RBM26: variants seen among roughly 807,000 people sequenced by gnomAD.
The protein encoded by RBM26 is RNA binding motif protein 26, also known as RNA-binding protein 26.
RBM26 carries 30 observed loss-of-function variants against 123.6 expected under a neutral mutation model. The ratio of observed to expected loss-of-function variants is 0.24; its 90% CI spans 0.18 to 0.33. The LOEUF (loss-of-function observed/expected upper bound fraction) is 0.33, where lower values mean the gene tolerates loss of function less well. RBM26 is among the 10% of genes least tolerant of loss of function. The probability of loss-of-function intolerance (pLI) is 1.00; values close to 1 mark genes in which losing one functional copy is unlikely to be tolerated. For missense variants in RBM26, 947 were observed against 1,203.6 expected, an observed-to-expected ratio of 0.79 and a Z score of 3.15; for synonymous variants, 400 against 404.4, an observed-to-expected ratio of 0.99 and a Z score of 0.13.
chr13:79,354,382 G>T (rs1455780980), intron 13 of RBM26, 57 bp downstream of exon 13: 1 of 1,347,514 alleles, frequency 7.4e-7, no homozygotes, highest in Non-Finnish European at 9.8e-7. Context: ...AAATCACCAA[G>T]GGAAACTAAA....
In RBM26 at chr13:79,377,208, A is replaced by T. The variant is rs116118826; in HGVS notation, c.327+171T>A. 884 of 530,938 alleles carry T rather than the reference A, an allele frequency of 1.7e-3. 10 individuals are homozygous for T. The highest frequency in any genetic ancestry group is 0.013 in the African/African-American group (691 of 53,300). The allele number at this position is 530,938 out of a possible 1,614,324, so 32.9% of individuals were successfully genotyped here. On this transcript the variant is annotated intron_variant, in intron 3 of 21. Transcript: ENST00000438737. The stretch of plus-strand genomic sequence containing the variant: ...TTATATCCTTTTGCTGAAATAAGCC[A>T]GGGCCATAAGCACAATTATATGCAG...
intron 5 of RBM26, among the ~76,000 whole-genome samples, chr13:79,369,701 G>A (rs933336493): frequency 6.6e-6 from 1 of 152,146 alleles, no homozygotes; most frequent in African/African-American, 2.4e-5. Context: ...TCAATAACAT[G>A]TACTAGAAGA....
intron 14 of RBM26, among the ~76,000 whole-genome samples, chr13:79,345,405 G>A (rs2072154726): frequency 1.4e-5 from 2 of 147,292 alleles, no homozygotes; most frequent in African/African-American, 5.0e-5. Flanking sequence ...TGGCTATTAG[G>A]TAAAAATGCT....
At chr13:79,400,318 A>G (rs1046925145) in intron 1 of RBM26, among the ~76,000 whole-genome samples, 1 of 152,190 alleles carries the variant, frequency 6.6e-6, no homozygotes, top group Non-Finnish European at 1.5e-5. Flanking sequence ...ATATCAAGGT[A>G]CTGGCAGGTT....
At chr13:79,316,141 G>A (rs948722479), downstream of RBM26, among the ~76,000 whole-genome samples, 5 of 149,944 alleles carry the variant, frequency 3.3e-5, no homozygotes, top group Admixed American at 1.3e-4. Context: ...AGAATTTCAC[G>A]CAGGAAATTT....
chr13:79,339,582 C>T (rs1351226398), intron 18 of RBM26, among the ~76,000 whole-genome samples: 6 of 152,022 alleles, frequency 3.9e-5, no homozygotes, highest in Non-Finnish European at 4.4e-5. Context: ...AATTTTGAAG[C>T]TCAAGGATTA....
intron 13 of RBM26, 145 bp downstream of exon 13, chr13:79,354,294 A>C (rs1426350891): frequency 1.7e-6 from 1 of 605,170 alleles, no homozygotes; most frequent in East Asian, 3.5e-5. Context: ...AAAAAAAAAA[A>C]ACAACCTTAT....
chr13:79,393,818 A>G (rs2078311597), intron 1 of RBM26, among the ~76,000 whole-genome samples: 1 of 152,180 alleles, frequency 6.6e-6, no homozygotes, highest in Non-Finnish European at 1.5e-5. Flanking sequence ...TGATAGGGTT[A>G]AAGCCTAAAA....
downstream of RBM26, among the ~76,000 whole-genome samples, chr13:79,316,053 A>G (rs1421048931): frequency 1.3e-5 from 2 of 151,982 alleles, no homozygotes; most frequent in South Asian, 2.1e-4. Flanking sequence ...ATTCTGCATT[A>G]AATTTCCATT....
intron 3 of RBM26, among the ~76,000 whole-genome samples, chr13:79,375,756 T>C (rs1000448354): frequency 6.6e-6 from 1 of 151,904 alleles, no homozygotes; most frequent in African/African-American, 2.4e-5. Context: ...TATATTCAGA[T>C]AGAGATATAA....
chr13:79,405,544 T>C (rs2763810), intron 1 of RBM26, among the ~76,000 whole-genome samples, 160 bp downstream of exon 1: 76,296 of 150,798 alleles, frequency 0.51, 19,678 homozygotes, highest in Middle Eastern at 0.6. Flanking sequence ...GTATCCTGAA[T>C]CTGGAAGCGA....
In RBM26 at chr13:79,368,956, A is replaced by G. The variant is rs777784800; in HGVS notation, c.669T>C (p.Asp223=). 6 of 1,610,826 alleles carry G rather than the reference A, an allele frequency of 3.7e-6. No individual in the cohort carries two copies. Among genetic ancestry groups the G allele is most frequent in the Non-Finnish European group, 5.1e-6 (6 of 1,177,278 alleles). ...RDLVKPKYDL[D]RTDPLENNYT... ...AATTATTTTCTAATGGATCTGTTCT[A>G]TCCAGGTCATATTTAGGTTTTACCA... The change falls in exon 6 of 22, where the codon GAT becomes GAC. Residue 223 remains aspartate (D), a synonymous_variant. Coordinates refer to ENST00000438737, the MANE Select transcript of RBM26 (RefSeq NM_001366735.2).
chr13:79,399,737 C>T lies in RBM26; in HGVS notation c.71+5967G>A, dbSNP rs77985981. Among the ~76,000 whole-genome samples, 145 of 152,076 alleles carry T rather than the reference C, an allele frequency of 9.5e-4. 2 individuals carry two copies. The East Asian group carries it at 0.025, about 27-fold the overall frequency. ...GAAGCAAACTGCAATCATTTAGATA[C>T]GGAGTGTGAGCCCCCTACTAAGCAA... On this transcript the variant is annotated intron_variant, in intron 1 of 21. Coordinates refer to ENST00000438737, the MANE Select transcript of RBM26 (RefSeq NM_001366735.2).
chr13:79,373,984 G>A (rs1209730468), intron 3 of RBM26, among the ~76,000 whole-genome samples: 2 of 151,704 alleles, frequency 1.3e-5, no homozygotes, highest in African/African-American at 4.8e-5. Flanking sequence ...TTAGAAAAAG[G>A]GACTTAGAGG....
intron 1 of RBM26, among the ~76,000 whole-genome samples, chr13:79,380,172 T>C (rs1040619513): frequency 2.0e-5 from 3 of 152,120 alleles, no homozygotes; most frequent in Non-Finnish European, 4.4e-5. Context: ...ATATTGATTG[T>C]AAAATCAAAA....
intron 7 of RBM26, 101 bp from the exon 8 acceptor site, chr13:79,366,296 T>G: frequency 8.0e-7 from 1 of 1,244,698 alleles, no homozygotes; most frequent in South Asian, 1.5e-5. Flanking sequence ...AACTATAATA[T>G]CTACAAACAC....
chr13:79,361,895 G>A (rs931833634), intron 9 of RBM26, among the ~76,000 whole-genome samples: 1 of 152,072 alleles, frequency 6.6e-6, no homozygotes, highest in Non-Finnish European at 1.5e-5. Flanking sequence ...CAGTGGGGAT[G>A]GGGAGAGGAA....
At chr13:79,341,987 G>T (rs919757088) in intron 17 of RBM26, among the ~76,000 whole-genome samples, 1 of 151,852 alleles carries the variant, frequency 6.6e-6, no homozygotes, top group African/African-American at 2.4e-5. Context: ...TTAGTTGTTG[G>T]AAGTGGTATT....
At chr13:79,390,261 G>A (rs1312012464) in intron 1 of RBM26, among the ~76,000 whole-genome samples, 2 of 152,052 alleles carry the variant, frequency 1.3e-5, no homozygotes, top group Non-Finnish European at 2.9e-5. Flanking sequence ...TCTGACAACA[G>A]AATACTACTC....
Sources: gnomAD v4.1 joint callset for allele counts (sites outside exome capture counted in the v4.1 genomes callset) on GRCh38, gnomAD v4.1.1 for gene constraint, MANE v1.5 for transcripts, NCBI Gene and HGNC (gene_info 2026-07-23, HGNC 2026-07-21) for gene names.